TMC6: variants seen among roughly 807,000 people sequenced by gnomAD.
TMC6 encodes transmembrane channel like 6, also known as transmembrane channel-like protein 6.
TMC6 carries 71 observed loss-of-function variants against 95.4 expected under a neutral mutation model. The observed-to-expected ratio is 0.74, with a 90% CI of 0.61 to 0.91. The LOEUF is 0.91. TMC6 is among the 40% of genes least tolerant of loss of function. The probability of loss-of-function intolerance (pLI) is 0.00; values close to 1 mark genes in which losing one functional copy is unlikely to be tolerated. For missense variants in TMC6, 1,074 were observed against 1,079.1 expected, an observed-to-expected ratio of 1.00 and a Z score of 0.07; for synonymous variants, 514 against 483.1, an observed-to-expected ratio of 1.06 and a Z score of -0.84.
chr17:78,116,215 G>C (rs1374962216), intron 18 of TMC6, among the ~76,000 whole-genome samples: 1 of 150,934 alleles, frequency 6.6e-6, no homozygotes, highest in Non-Finnish European at 1.5e-5. Context: ...GACCTCAAGT[G>C]ATCTGCTCAC....
rs764632347 is a variant in TMC6 at position 78,109,577 on chromosome 17, G to A, written c.*3571C>T. On this transcript the variant is annotated 3_prime_UTR_variant, in exon 20 of 20. Coordinates refer to ENST00000590602, the MANE Select transcript of TMC6 (RefSeq NM_001127198.5). ...GCCCAGGAGGTCGAGGCTGCAGTGA[G>A]CTGTGATCGTGCCACTGTGCTCCGG... is the stretch of plus-strand genomic sequence containing the variant. The A allele has an allele frequency of 4.4e-6, 2 of 456,312 alleles. No individual in the cohort carries two copies. Among genetic ancestry groups the A allele is most frequent in the Non-Finnish European group, 8.8e-6 (2 of 226,894 alleles). The allele number at this position is 456,312 out of a possible 1,614,324, so 28.3% of individuals were successfully genotyped here.
At chr17:78,127,079 G>T in intron 1 of TMC6, 173 bp from the exon 2 acceptor site, 1 of 602,624 alleles carries the variant, frequency 1.7e-6, no homozygotes, top group South Asian at 1.9e-5. Flanking sequence ...CCTCATGCCA[G>T]AATGGAATGG....
intron 12 of TMC6, 26 bp from the exon 13 acceptor site, chr17:78,120,858 G>A (rs1387508391): frequency 1.9e-6 from 3 of 1,610,830 alleles, no homozygotes; most frequent in Non-Finnish European, 2.5e-6. Flanking sequence ...TGCAAAGGCT[G>A]AGGGGCGGGT....
At chr17:78,117,138 T>C (rs1023723079) in intron 18 of TMC6, 131 bp downstream of exon 18, 6 of 919,832 alleles carry the variant, frequency 6.5e-6, no homozygotes, top group African/African-American at 6.5e-5. Flanking sequence ...TTGATCAGGG[T>C]CACTTGTTTG....
chr17:78,109,719 C>T lies in TMC6; in HGVS notation c.*3429G>A, dbSNP rs1202352179. ...TGACAGCCTGGTGCTCGGATGGGCC[C>T]AGAGCAGGGGTTCTCAACCTTGGCC... is the stretch of plus-strand genomic sequence containing the variant. On this transcript the variant is annotated 3_prime_UTR_variant, in exon 20 of 20. Transcript: ENST00000590602. The T allele has an allele frequency of 2.7e-6, 1 of 369,018 alleles. No homozygotes were observed. The highest frequency in any genetic ancestry group is 5.4e-6 in the Non-Finnish European group (1 of 183,562). 22.9% of individuals were successfully genotyped at this position (369,018 alleles called of 1,614,324 possible). A position where few individuals can be genotyped will look rare whatever the true frequency, so the allele number is the denominator to read the frequency against.
At position 78,122,868 on chromosome 17, in the gene TMC6, G is replaced by A; in HGVS notation, c.1083-119C>T. The A allele has an allele frequency of 6.9e-7, 1 of 1,441,312 alleles. No homozygotes were observed. Among genetic ancestry groups the A allele is most frequent in the Non-Finnish European group, 9.4e-7 (1 of 1,062,334 alleles). The allele number at this position is 1,441,312 out of a possible 1,614,324, so 89.3% of individuals were successfully genotyped here. On this transcript the variant is annotated intron_variant, in intron 9 of 19. Coordinates refer to ENST00000590602, the MANE Select transcript of TMC6 (RefSeq NM_001127198.5). This position sits in a 1 kb window ranked among gnomAD's most constrained non-coding sequence, Gnocchi z 4.9. ...CCACCACCCACTCAGGAGCCATCTG[G>A]GCCCTGACTGGGCCTCCTGCCACAC...
intron 18 of TMC6, 142 bp from the exon 19 acceptor site, chr17:78,113,766 AG>A: frequency 1.2e-6 from 1 of 840,598 alleles, no homozygotes; most frequent in Non-Finnish European, 2.0e-6. Flanking sequence ...AAAAGGTGAA[AG>A]GGCCACCAAA....
chr17:78,131,583 G>C, upstream of TMC6: 2 of 1,544,114 alleles, frequency 1.3e-6, no homozygotes, highest in Non-Finnish European at 1.7e-6. Context: ...ACCCGTGCCC[G>C]CCGAGATGCT....
intron 18 of TMC6, among the ~76,000 whole-genome samples, chr17:78,116,114 G>GGAC (rs2074096311): frequency 6.6e-6 from 1 of 151,854 alleles, no homozygotes; most frequent in East Asian, 1.9e-4. Flanking sequence ...TGAGTAGCTG[G>GGAC]TACAGGTGGA....
In TMC6 at chr17:78,124,905, C is replaced by A. The variant is rs1328174766; in HGVS notation, c.617G>T (p.Arg206Ile). The change falls in exon 7 of 20, where the codon AGA becomes ATA. Residue 206 changes from arginine to isoleucine, a missense_variant. Physicochemically the swap from Arg to Ile is moderately conservative, Grantham distance 97. Coordinates refer to ENST00000590602, the MANE Select transcript of TMC6 (RefSeq NM_001127198.5). ...GGCCCATACCAGCACGCAGGCATATCTGAGCCGGCCACAGCAGGAGCAGAC... is the reference window on the plus strand; with the variant it reads ...GGCCCATACCAGCACGCAGGCATATATGAGCCGGCCACAGCAGGAGCAGAC... ...GGVCSCCGRL[R>I]YACVLALHSL... is the part of the protein sequence containing the mutation. 5.0e-6 allele frequency: 8 copies of A among 1,597,250 alleles called. No homozygotes were observed. Among genetic ancestry groups the A allele is most frequent in the Non-Finnish European group, 6.8e-6 (8 of 1,173,818 alleles).
rs1321551379 is a variant in TMC6 at position 78,128,701 on chromosome 17, C to T, written c.-164G>A. On this transcript the variant is annotated 5_prime_UTR_variant, in exon 1 of 20. Transcript: ENST00000590602. This position sits in a 1 kb window ranked among gnomAD's most constrained non-coding sequence, Gnocchi z 4.0. The stretch of plus-strand genomic sequence containing the variant: ...CGCCGGGAACTGAGGTCTCGGCTCT[C>T]CTTGCCAAGGGAGTGGCAAAGGGCC... 6.7e-6 allele frequency: 1 copy of T among 148,238 alleles called. No homozygotes were observed. The highest frequency in any genetic ancestry group is 2.6e-5 in the African/African-American group (1 of 39,114). 9.2% of individuals were successfully genotyped at this position (148,238 alleles called of 1,614,324 possible). A position where few individuals can be genotyped will look rare whatever the true frequency, so the allele number is the denominator to read the frequency against.
rs202174817 is a variant in TMC6 at position 78,117,430 on chromosome 17, G to A, written c.2198+38C>T. The A allele has an allele frequency of 5.6e-6, 9 of 1,610,710 alleles. No individual in the cohort carries two copies. The East Asian group carries it at 2.0e-4, about 36-fold the overall frequency. On this transcript the variant is annotated intron_variant, in intron 17 of 19. Transcript: ENST00000590602. ...CCCACACGGTGCAGGCCCAGCGAGG[G>A]CCATCTCCCCAGGGCCGCCCCCACC...
rs3818149 is a variant in TMC6 at position 78,122,289 on chromosome 17, C to T, written c.1227+316G>A. On this transcript the variant is annotated intron_variant, in intron 10 of 19. Coordinates refer to ENST00000590602, the MANE Select transcript of TMC6 (RefSeq NM_001127198.5). The surrounding 1 kb of genome is among the most constrained non-coding windows in gnomAD (Gnocchi z 4.9). ...CTCCTATGGCCACCAACCAAGCTAACGCCAGCCAGGGAGCATGTGCCAGCT... is the reference window on the plus strand; with the variant it reads ...CTCCTATGGCCACCAACCAAGCTAATGCCAGCCAGGGAGCATGTGCCAGCT... Among the ~76,000 whole-genome samples the T allele has an allele frequency of 1.1e-3, 175 of 152,224 alleles. 3 individuals carry two copies. In the East Asian group the frequency reaches 0.029, roughly 25 times the overall value.
Position 78,121,113 on chromosome 17 carries a change from C to G in TMC6, c.1435G>C (p.Val479Leu). 1 of 1,611,472 alleles carries G rather than the reference C, an allele frequency of 6.2e-7. No individual in the cohort carries two copies. The change falls in exon 12 of 20, where the codon GTT (valine) becomes CTT (leucine). Residue 479 changes from valine (V) to leucine (L), a missense_variant. By Grantham distance (32) the Val-to-Leu change is conservative. Coordinates refer to ENST00000590602, the MANE Select transcript of TMC6 (RefSeq NM_001127198.5). The surrounding 1 kb of genome is among the most constrained non-coding windows in gnomAD (Gnocchi z 5.6). The part of the protein sequence containing the change: ...EAVLLVLPLV[V>L]GLLNLGAPYL... ...GGGGCCCCCAGGTTGAGGAGGCCAA[C>G]CACCAGGGGCAGGACCAGCAGCACA... is the stretch of plus-strand genomic sequence containing the variant.
chr17:78,118,293 A>G (rs1352165458), intron 15 of TMC6: 1 of 367,450 alleles, frequency 2.7e-6, no homozygotes, highest in Non-Finnish European at 5.1e-6. Context: ...GCGGTGGCTC[A>G]TGCCTGTAAT....
chr17:78,125,418 T>C (rs1349594158), intron 5 of TMC6, among the ~76,000 whole-genome samples, 155 bp from the exon 6 acceptor site: 1 of 152,182 alleles, frequency 6.6e-6, no homozygotes, highest in Non-Finnish European at 1.5e-5. Flanking sequence ...GCCGTGTGTT[T>C]GCTTCAGTCA....
intron 8 of TMC6, 51 bp from the exon 9 acceptor site, chr17:78,124,230 G>A (rs563375104): frequency 1.1e-5 from 17 of 1,602,756 alleles, no homozygotes; most frequent in Admixed American, 1.0e-4. Context: ...CGCCCCACCC[G>A]ACCCTCAGGC....
rs772074105 is a variant in TMC6 at position 78,121,055 on chromosome 17, G to A, written c.1493C>T (p.Pro498Leu). 1.7e-5 allele frequency: 28 copies of A among 1,613,156 alleles called. No homozygotes were observed. Among genetic ancestry groups the A allele is most frequent in the South Asian group, 3.3e-5 (3 of 91,090 alleles). The change falls in exon 12 of 20, where the codon CCG becomes CTG. Residue 498 changes from proline to leucine, a missense_variant. By Grantham distance (98) the Pro-to-Leu change is moderately conservative (BLOSUM62 -3). Coordinates refer to ENST00000590602, the MANE Select transcript of TMC6 (RefSeq NM_001127198.5). The surrounding 1 kb of genome is among the most constrained non-coding windows in gnomAD (Gnocchi z 5.6). The stretch of plus-strand genomic sequence containing the variant: ...CACCTCCAGTACCGGGGAGTCATGC[G>A]GCTCCAGGGCGGCCAGGACACGGCA... ...YLCRVLAALE[P>L]HDSPVLEVYV...
At chr17:78,130,368 C>T (rs2074930994), upstream of TMC6, among the ~76,000 whole-genome samples, 1 of 152,254 alleles carries the variant, frequency 6.6e-6, no homozygotes. Context: ...GTGCCCCCAC[C>T]GTTCCCATCC....
Sources: allele counts gnomAD v4.1 joint callset (sites outside exome capture counted in the v4.1 genomes callset), GRCh38; gene constraint gnomAD v4.1.1; non-coding constraint Gnocchi (gnomAD v3.1); transcripts MANE v1.5; gene names NCBI Gene and HGNC (gene_info 2026-07-23, HGNC 2026-07-21).